Variants in INTS9 observed in about 807,000 individuals in gnomAD.
The protein encoded by INTS9 is integrator complex subunit 9.
In INTS9, 55 loss-of-function variants were observed where a neutral mutation model predicts 79.7. That is an observed-to-expected ratio of 0.69 (90% CI 0.56 to 0.86). INTS9 has a LOEUF of 0.86. Among genes scored for constraint, INTS9 ranks in the 40% least tolerant of loss-of-function variants. The pLI, the probability that INTS9 is intolerant of heterozygous loss-of-function variation, is 0.00. For missense variants in INTS9, 721 were observed against 831.5 expected (o/e 0.87, Z 1.64); for synonymous variants, 319 against 325.2 (o/e 0.98, Z 0.20).
intron 1 of INTS9, among the ~76,000 whole-genome samples, chr8:28,865,561 A>AAT (rs1808698047): frequency 6.6e-6 from 1 of 152,188 alleles, no homozygotes; most frequent in Non-Finnish European, 1.5e-5. Flanking sequence ...GTTCACTGGT[A>AAT]ATATATAATA....
intron 10 of INTS9, among the ~76,000 whole-genome samples, chr8:28,789,375 G>A (rs1286106103): frequency 2.0e-5 from 3 of 152,110 alleles, no homozygotes; most frequent in Non-Finnish European, 1.5e-5. Flanking sequence ...CAGCAGACAG[G>A]GACCCACCCC....
At chr8:28,844,651 C>A (rs911553726) in intron 4 of INTS9, among the ~76,000 whole-genome samples, 1 of 151,976 alleles carries the variant, frequency 6.6e-6, no homozygotes, top group East Asian at 1.9e-4. Context: ...CATGGTGAAA[C>A]CCCTCTGTAC....
chr8:28,801,506 C>CAAA (rs937939307), intron 8 of INTS9, among the ~76,000 whole-genome samples: 115 of 27,056 alleles, frequency 4.3e-3, no homozygotes, highest in Non-Finnish European at 0.01. Flanking sequence ...AACAAACAAA[C>CAAA]AAAAAAACAA....
intron 5 of INTS9, among the ~76,000 whole-genome samples, 194 bp from the exon 6 acceptor site, chr8:28,835,572 A>G (rs1303018921): frequency 6.6e-6 from 1 of 152,206 alleles, no homozygotes; most frequent in Admixed American, 6.5e-5. Flanking sequence ...TTCTTATTGC[A>G]TTTCCATGCT....
At chr8:28,786,775 T>C (rs1349122224) in intron 11 of INTS9, among the ~76,000 whole-genome samples, 4 of 152,194 alleles carry the variant, frequency 2.6e-5, no homozygotes, top group African/African-American at 7.2e-5. Context: ...TAGAGTGCAG[T>C]GGCGCGATCT....
chr8:28,782,421 C>T (rs532116006), intron 11 of INTS9, among the ~76,000 whole-genome samples: 10 of 152,272 alleles, frequency 6.6e-5, no homozygotes, highest in Non-Finnish European at 1.3e-4. Context: ...TGTTAAGCTA[C>T]TGCAGCAACT....
At chr8:28,790,083 C>A (rs957290632) in intron 10 of INTS9, among the ~76,000 whole-genome samples, 2 of 152,168 alleles carry the variant, frequency 1.3e-5, no homozygotes, top group African/African-American at 4.8e-5. Flanking sequence ...AAAGCAGGAC[C>A]ATGTAGAAGC....
intron 4 of INTS9, among the ~76,000 whole-genome samples, chr8:28,844,209 A>C (rs1032492838): frequency 2.6e-4 from 40 of 152,172 alleles, no homozygotes; most frequent in African/African-American, 9.4e-4. Context: ...AATCGTTGTC[A>C]CGTATGGTCT....
intron 1 of INTS9, among the ~76,000 whole-genome samples, chr8:28,863,078 G>A (rs1045429045): frequency 1.3e-5 from 2 of 152,178 alleles, no homozygotes; most frequent in Non-Finnish European, 2.9e-5. Context: ...AAATCATTAA[G>A]GGGCTGAAGA....
chr8:28,801,711 AAAGT>A (rs1211664233), intron 8 of INTS9, among the ~76,000 whole-genome samples: 1 of 152,128 alleles, frequency 6.6e-6, no homozygotes, highest in Non-Finnish European at 1.5e-5. Flanking sequence ...TCCTTGGGCT[AAAGT>A]AAGACTCCCA....
At chr8:28,823,311 T>C (rs921813625) in intron 6 of INTS9, among the ~76,000 whole-genome samples, 3 of 152,206 alleles carry the variant, frequency 2.0e-5, no homozygotes, top group African/African-American at 7.2e-5. Flanking sequence ...GTCCTCCATA[T>C]AGCAGGAGGA....
chr8:28,803,172 G>A (rs762480989), intron 8 of INTS9, among the ~76,000 whole-genome samples: 1 of 152,074 alleles, frequency 6.6e-6, no homozygotes, highest in Non-Finnish European at 1.5e-5. Context: ...GGTATATGTA[G>A]CTTTTGCTAT....
At chr8:28,770,909 A>G in intron 15 of INTS9, 73 bp downstream of exon 15, 2 of 1,050,848 alleles carry the variant, frequency 1.9e-6, no homozygotes, top group South Asian at 1.3e-5. Context: ...CGCTATTTCA[A>G]ATATAATCTG....
rs113916841 is a variant in INTS9 at position 28,780,356 on chromosome 8, A to G, written c.1270+467T>C. 1,188 of 984,968 alleles carry G rather than the reference A, an allele frequency of 1.2e-3. 9 individuals carry two copies. The African/African-American group carries it at 0.013, about 11-fold the overall frequency. The allele number at this position is 984,968 out of a possible 1,614,324, so 61.0% of individuals were successfully genotyped here. A position where few individuals can be genotyped will look rare whatever the true frequency, so the allele number is the denominator to read the frequency against. On this transcript the variant is annotated intron_variant, in intron 12 of 16. Coordinates refer to ENST00000521022, the MANE Select transcript of INTS9 (RefSeq NM_018250.4). ...GGGCTGGGCACGCTACACTGATAAA[A>G]TGATACAGTCATTATCTATGTAAAC...
chr8:28,848,562 A>G (rs1807658679), intron 3 of INTS9, among the ~76,000 whole-genome samples: 1 of 152,238 alleles, frequency 6.6e-6, no homozygotes, highest in Non-Finnish European at 1.5e-5. Flanking sequence ...CCTGCCAGCT[A>G]AAAACAAATG....
At chr8:28,837,946 C>T (rs1429685313) in intron 4 of INTS9, among the ~76,000 whole-genome samples, 170 bp from the exon 5 acceptor site, 1 of 152,104 alleles carries the variant, frequency 6.6e-6, no homozygotes, top group African/African-American at 2.4e-5. Flanking sequence ...TCTACACTGA[C>T]ATTAAGTAGC....
chr8:28,858,685 T>C (rs143033736), intron 2 of INTS9, among the ~76,000 whole-genome samples: 15 of 152,340 alleles, frequency 9.8e-5, no homozygotes, highest in African/African-American at 3.1e-4. Context: ...TGAATAATCA[T>C]TGTACTCAGT....
At chr8:28,865,003 A>G (rs1808661078) in intron 1 of INTS9, among the ~76,000 whole-genome samples, 1 of 151,078 alleles carries the variant, frequency 6.6e-6, no homozygotes, top group Non-Finnish European at 1.5e-5. Context: ...AAAAAAAAAC[A>G]AAGTTTCAAC....
intron 6 of INTS9, among the ~76,000 whole-genome samples, chr8:28,815,194 C>A (rs1805398434): frequency 6.6e-6 from 1 of 151,554 alleles, no homozygotes; most frequent in Non-Finnish European, 1.5e-5. Context: ...GAGATTGCTA[C>A]AAAATAAAAG....
Sources: gnomAD v4.1 joint callset for allele counts (sites outside exome capture counted in the v4.1 genomes callset) on GRCh38, gnomAD v4.1.1 for gene constraint, MANE v1.5 for transcripts, NCBI Gene and HGNC (gene_info 2026-07-23, HGNC 2026-07-21) for gene names.